The following FAF1 variants were observed in gnomAD, a reference collection of about 807,000 sequenced individuals.
FAF1 encodes the protein Fas associated factor 1, also known as FAS-associated factor 1.
A neutral mutation model predicts 92.5 loss-of-function variants in FAF1; 25 were observed. That is an observed-to-expected ratio of 0.27 (90% CI 0.20 to 0.38). The LOEUF (loss-of-function observed/expected upper bound fraction) is 0.38, where lower values mean the gene tolerates loss of function less well. Ranked by LOEUF, FAF1 falls within the 10% of genes least tolerant of loss-of-function variation. FAF1 has a pLI of 1.00. For missense variants in FAF1, 636 were observed against 793.3 expected (o/e 0.80, Z 2.38); for synonymous variants, 234 against 273.2 (o/e 0.86, Z 1.42).
intron 5 of FAF1, among the ~76,000 whole-genome samples, chr1:50,744,310 A>G (rs918050124): frequency 1.3e-5 from 2 of 152,198 alleles, no homozygotes; most frequent in Admixed American, 1.3e-4. Flanking sequence ...TATACGCTGC[A>G]TGTGACTTCT....
At chr1:50,892,286 C>G (rs886599294) in intron 1 of FAF1, among the ~76,000 whole-genome samples, 1 of 152,230 alleles carries the variant, frequency 6.6e-6, no homozygotes, top group Non-Finnish European at 1.5e-5. Flanking sequence ...AAAGGGAATT[C>G]CCTGACGCTT....
intron 4 of FAF1, among the ~76,000 whole-genome samples, chr1:50,783,682 T>C (rs1050319633): frequency 1.3e-5 from 2 of 152,128 alleles, no homozygotes; most frequent in Admixed American, 1.3e-4. Flanking sequence ...GAGAACAGCC[T>C]GGCCAACATG....
intron 1 of FAF1, among the ~76,000 whole-genome samples, chr1:50,871,273 A>G (rs1397269059): frequency 6.6e-6 from 1 of 152,258 alleles, no homozygotes; most frequent in Non-Finnish European, 1.5e-5. Flanking sequence ...GTGCTGATGT[A>G]GAAGCTGTAG....
At chr1:50,613,458 C>T (rs1004883572) in intron 8 of FAF1, among the ~76,000 whole-genome samples, 4 of 152,164 alleles carry the variant, frequency 2.6e-5, no homozygotes. Context: ...ATTAGCTTTG[C>T]ATTCTAATGT....
chr1:50,563,068 T>G (rs1229964135), intron 13 of FAF1, among the ~76,000 whole-genome samples: 1 of 152,182 alleles, frequency 6.6e-6, no homozygotes, highest in Non-Finnish European at 1.5e-5. Context: ...TGTGCATGGG[T>G]TATATGTAAA....
chr1:50,942,244 T>C (rs928800930), intron 1 of FAF1, among the ~76,000 whole-genome samples: 2 of 152,208 alleles, frequency 1.3e-5, no homozygotes, highest in Non-Finnish European at 2.9e-5. Context: ...CTCATGCCTG[T>C]AATGCCAATA....
chr1:50,853,308 T>C (rs891766824), intron 2 of FAF1, among the ~76,000 whole-genome samples: 1 of 152,154 alleles, frequency 6.6e-6, no homozygotes. Context: ...GATCTTAAAA[T>C]GAGGCAGATT....
At chr1:50,746,891 T>A (rs887889465) in intron 4 of FAF1, among the ~76,000 whole-genome samples, 3 of 152,226 alleles carry the variant, frequency 2.0e-5, no homozygotes, top group Admixed American at 2.0e-4. Flanking sequence ...AACTGCTCCC[T>A]GCATCCTGGC....
At chr1:50,570,840 T>C (rs1420239103) in intron 12 of FAF1, among the ~76,000 whole-genome samples, 1 of 152,218 alleles carries the variant, frequency 6.6e-6, no homozygotes, top group African/African-American at 2.4e-5. Flanking sequence ...ATTATCTTAC[T>C]GAGCTCAATT....
At chr1:50,842,456 T>C (rs1418887558) in intron 2 of FAF1, among the ~76,000 whole-genome samples, 1 of 152,160 alleles carries the variant, frequency 6.6e-6, no homozygotes, top group Non-Finnish European at 1.5e-5. Flanking sequence ...CATGCATTAC[T>C]GAAAAAATCA....
chr1:50,492,176 T>C (rs2149009809), intron 15 of FAF1, among the ~76,000 whole-genome samples: 1 of 152,352 alleles, frequency 6.6e-6, no homozygotes, highest in Admixed American at 6.5e-5. Context: ...ATTTTCATTA[T>C]TAGTTCTCTT....
intron 14 of FAF1, among the ~76,000 whole-genome samples, chr1:50,538,798 A>C (rs545806186): frequency 1.3e-5 from 2 of 152,300 alleles, no homozygotes; most frequent in African/African-American, 4.8e-5. Context: ...CTAGTTATAG[A>C]GAAAACATAA....
At chr1:50,912,808 T>C (rs1014589437) in intron 1 of FAF1, among the ~76,000 whole-genome samples, 1 of 152,242 alleles carries the variant, frequency 6.6e-6, no homozygotes, top group African/African-American at 2.4e-5. Flanking sequence ...TTACCCATTC[T>C]CAGTTTCTTA....
intron 3 of FAF1, among the ~76,000 whole-genome samples, chr1:50,796,756 T>C (rs1004697300): frequency 2.0e-5 from 3 of 152,168 alleles, no homozygotes; most frequent in African/African-American, 7.2e-5. Flanking sequence ...ATCTAGGTTG[T>C]CTCAGTATCC....
chr1:50,895,262 T>C (rs531757930), intron 1 of FAF1, among the ~76,000 whole-genome samples: 5 of 152,248 alleles, frequency 3.3e-5, no homozygotes, highest in African/African-American at 1.2e-4. Context: ...TTTGAAAACT[T>C]AGACCAAATG....
chr1:50,464,147 A>G (rs1237715363), intron 18 of FAF1, among the ~76,000 whole-genome samples: 3 of 151,966 alleles, frequency 2.0e-5, no homozygotes, highest in Non-Finnish European at 2.9e-5. Context: ...TCCTCACATT[A>G]CCTCACTTAA....
chr1:50,816,064 C>T lies in FAF1; in HGVS notation c.115-14387G>A, dbSNP rs528176909. Among the ~76,000 whole-genome samples, 5 of 151,350 alleles carry T rather than the reference C, an allele frequency of 3.3e-5. No homozygotes were observed. The South Asian group carries it at 1.0e-3, about 32-fold the overall frequency. On this transcript the variant is annotated intron_variant, in intron 2 of 18. Coordinates refer to ENST00000396153, the MANE Select transcript of FAF1 (RefSeq NM_007051.3). ...AAAAATTTTAAAAAAGCCATTCTTC[C>T]TGGTGTGAGATGGAATCTCCTAGTT...
chr1:50,673,844 T>C (rs1283843571), intron 7 of FAF1, among the ~76,000 whole-genome samples: 1 of 152,182 alleles, frequency 6.6e-6, no homozygotes, highest in Non-Finnish European at 1.5e-5. Flanking sequence ...AATACCATCA[T>C]CAAGTTCAAT....
At chr1:50,850,126 C>T (rs1012483942) in intron 2 of FAF1, among the ~76,000 whole-genome samples, 9 of 127,410 alleles carry the variant, frequency 7.1e-5, no homozygotes, top group African/African-American at 1.8e-4. Flanking sequence ...TTAGGAGCTA[C>T]GAAAAAAAAA....
Sources: gnomAD v4.1 joint callset for allele counts (sites outside exome capture counted in the v4.1 genomes callset) on GRCh38, gnomAD v4.1.1 for gene constraint, MANE v1.5 for transcripts, NCBI Gene and HGNC (gene_info 2026-07-23, HGNC 2026-07-21) for gene names.